The following PARD3 variants were observed in gnomAD, a reference collection of about 807,000 sequenced individuals.
PARD3 encodes the protein par-3 family cell polarity regulator.
Under a neutral mutation model 155.4 loss-of-function variants are expected in PARD3, and 75 were observed. The ratio of observed to expected loss-of-function variants is 0.48; its 90% CI spans 0.40 to 0.58. PARD3 has a LOEUF of 0.58. Ranked by LOEUF, PARD3 falls within the 20% of genes least tolerant of loss-of-function variation. PARD3 has a pLI of 0.00. For synonymous variants in PARD3, 576 were observed against 610.5 expected (o/e 0.94, Z 0.83); for missense variants, 1,642 against 1,721.7 (o/e 0.95, Z 0.82).
intron 2 of PARD3, among the ~76,000 whole-genome samples, chr10:34,578,337 T>C (rs1041025094): frequency 1.3e-5 from 2 of 152,214 alleles, no homozygotes; most frequent in Middle Eastern, 3.2e-3. Context: ...GCGTTGTTTA[T>C]ATCCTACTGC....
At chr10:34,381,938 A>AAAG (rs1841896193) in intron 9 of PARD3, among the ~76,000 whole-genome samples, 5 of 133,818 alleles carry the variant, frequency 3.7e-5, no homozygotes, top group Non-Finnish European at 8.1e-5. Context: ...AAAAAAAAAA[A>AAAG]AAAGAAAGAA....
At chr10:34,746,560 A>G (rs541677861) in intron 1 of PARD3, among the ~76,000 whole-genome samples, 1 of 152,250 alleles carries the variant, frequency 6.6e-6, no homozygotes, top group South Asian at 2.1e-4. Context: ...AAATATGCCC[A>G]TAAGTAGCCC....
chr10:34,684,880 C>T (rs9417135), intron 2 of PARD3, among the ~76,000 whole-genome samples: 3 of 83,172 alleles, frequency 3.6e-5, no homozygotes, highest in Admixed American at 1.2e-4. Flanking sequence ...CACACACATA[C>T]ACACACACAC....
chr10:34,304,550 G>A (rs532873979), intron 20 of PARD3, among the ~76,000 whole-genome samples: 42 of 152,260 alleles, frequency 2.8e-4, no homozygotes, highest in Admixed American at 1.1e-3. Flanking sequence ...AGGTTTTAGG[G>A]GTGGCAAAAC....
chr10:34,322,870 G>T (rs1048801586), intron 19 of PARD3, among the ~76,000 whole-genome samples: 2 of 152,150 alleles, frequency 1.3e-5, no homozygotes, highest in Non-Finnish European at 2.9e-5. Context: ...TAGGAACACA[G>T]ATACTTGAGC....
At chr10:34,680,345 G>C (rs1482956564) in intron 2 of PARD3, among the ~76,000 whole-genome samples, 1 of 152,052 alleles carries the variant, frequency 6.6e-6, no homozygotes, top group Non-Finnish European at 1.5e-5. Context: ...GATCACTTGA[G>C]GTCAGGAGTT....
intron 22 of PARD3, among the ~76,000 whole-genome samples, chr10:34,224,848 A>G (rs1192662089): frequency 6.6e-6 from 1 of 152,188 alleles, no homozygotes; most frequent in African/African-American, 2.4e-5. Context: ...CCATCAAATC[A>G]GTGTCCCTTT....
In PARD3 at chr10:34,435,618, C is replaced by T. The variant is rs567020057; in HGVS notation, c.714+14699G>A. ...GAAGGTGTGCTTTCTTCAGTGAACCCGAGCAATCGAGAAAAACATAGTATG... is the reference window on the plus strand; with the variant it reads ...GAAGGTGTGCTTTCTTCAGTGAACCTGAGCAATCGAGAAAAACATAGTATG... On this transcript the variant is annotated intron_variant, in intron 5 of 24. Transcript: ENST00000374788. Among the ~76,000 whole-genome samples, 3 of 152,200 alleles carry T rather than the reference C, an allele frequency of 2.0e-5. No homozygotes were observed. In the South Asian group the frequency reaches 6.2e-4, roughly 32 times the overall value.
chr10:34,401,182 A>G (rs1843842100), intron 6 of PARD3, among the ~76,000 whole-genome samples: 1 of 152,182 alleles, frequency 6.6e-6, no homozygotes, highest in African/African-American at 2.4e-5. Context: ...GCTCTAAGCT[A>G]CCAAGGAAAG....
In PARD3 at chr10:34,343,291, T is replaced by C. The variant is rs79382690; in HGVS notation, c.2219-1475A>G. 5,529 of 894,786 alleles carry C rather than the reference T, an allele frequency of 6.2e-3. 235 individuals carry two copies. In the African/African-American group the frequency reaches 0.093, roughly 15 times the overall value. 55.4% of individuals were successfully genotyped at this position (894,786 alleles called of 1,614,324 possible). On this transcript the variant is annotated intron_variant, in intron 15 of 24. Transcript: ENST00000374788. Reference sequence around the variant, plus strand: ...AATATTACAGTATAATCATAGTGCATTCATTTTTAAACACAAAACTAAAAC... The same window carrying C: ...AATATTACAGTATAATCATAGTGCACTCATTTTTAAACACAAAACTAAAAC...
intron 22 of PARD3, among the ~76,000 whole-genome samples, chr10:34,267,503 CA>C (rs1234060480): frequency 6.6e-6 from 1 of 152,098 alleles, no homozygotes; most frequent in African/African-American, 2.4e-5. Context: ...ACCTAAAACC[CA>C]ACAAAAGCAA....
At chr10:34,268,802 A>T (rs923192727) in intron 22 of PARD3, among the ~76,000 whole-genome samples, 1 of 152,156 alleles carries the variant, frequency 6.6e-6, no homozygotes, top group Non-Finnish European at 1.5e-5. Flanking sequence ...GGGTGAGGGA[A>T]AGCATTAGGA....
chr10:34,230,717 G>A (rs1299390888), intron 22 of PARD3, among the ~76,000 whole-genome samples: 1 of 152,062 alleles, frequency 6.6e-6, no homozygotes. Context: ...TTGTACAACT[G>A]GCAACTTAAA....
At chr10:34,329,643 G>A (rs1347214178) in intron 19 of PARD3, among the ~76,000 whole-genome samples, 1 of 152,064 alleles carries the variant, frequency 6.6e-6, no homozygotes, top group Non-Finnish European at 1.5e-5. Flanking sequence ...GGCTGCAACT[G>A]GGTCTGGAGA....
chr10:34,412,216 GC>G (rs1845158193), intron 5 of PARD3, among the ~76,000 whole-genome samples: 1 of 151,954 alleles, frequency 6.6e-6, no homozygotes, highest in Non-Finnish European at 1.5e-5. Flanking sequence ...TCCCACCTTG[GC>G]CTCTCAAAGT....
intron 20 of PARD3, 109 bp downstream of exon 20, chr10:34,316,998 T>C: frequency 1.0e-6 from 1 of 972,978 alleles, no homozygotes; most frequent in African/African-American, 1.7e-5. Flanking sequence ...GCCTCCCAAG[T>C]AGCTGGGATT....
chr10:34,328,337 C>G (rs917023653), intron 19 of PARD3, among the ~76,000 whole-genome samples: 15 of 151,956 alleles, frequency 9.9e-5, no homozygotes, highest in Admixed American at 4.6e-4. Context: ...TCCACATGGG[C>G]CTCGCAAAAG....
chr10:34,748,013 C>G (rs1406824612), intron 1 of PARD3, among the ~76,000 whole-genome samples: 2 of 151,646 alleles, frequency 1.3e-5, no homozygotes, highest in Non-Finnish European at 2.9e-5. Flanking sequence ...AGAGGGAGCA[C>G]AGGAATGGAC....
At chr10:34,349,750 A>G (rs1212271762) in intron 14 of PARD3, among the ~76,000 whole-genome samples, 1 of 152,154 alleles carries the variant, frequency 6.6e-6, no homozygotes, top group Non-Finnish European at 1.5e-5. Context: ...TAATTTATCA[A>G]AAGACAGACA....
Sources: allele counts gnomAD v4.1 joint callset (sites outside exome capture counted in the v4.1 genomes callset), GRCh38; gene constraint gnomAD v4.1.1; transcripts MANE v1.5; gene names NCBI Gene and HGNC (gene_info 2026-07-23, HGNC 2026-07-21).